The following DLG2 variants were observed in gnomAD, a reference collection of about 807,000 sequenced individuals.
DLG2 encodes the protein discs large MAGUK scaffold protein 2.
In DLG2, 45 loss-of-function variants were observed where a neutral mutation model predicts 132.5. That is an observed-to-expected ratio of 0.34 (90% CI 0.27 to 0.44). DLG2 has a LOEUF of 0.44. DLG2 is among the 20% of genes least tolerant of loss of function. The pLI, the probability that DLG2 is intolerant of heterozygous loss-of-function variation, is 1.00. For synonymous variants in DLG2, 424 were observed against 419.6 expected (o/e 1.01, Z -0.13); for missense variants, 1,045 against 1,196.9 (o/e 0.87, Z 1.87).
At chr11:83,463,770 T>C (rs759694403) in intron 26 of DLG2, among the ~76,000 whole-genome samples, 117 of 152,224 alleles carry the variant, frequency 7.7e-4, no homozygotes, top group Non-Finnish European at 1.3e-3. Context: ...CAGCTTGGGC[T>C]GGACAGAGCA....
At chr11:84,239,434 G>A (rs1325280007) in intron 8 of DLG2, among the ~76,000 whole-genome samples, 3 of 152,034 alleles carry the variant, frequency 2.0e-5, no homozygotes, top group Non-Finnish European at 4.4e-5. Flanking sequence ...CTCCCACCTC[G>A]GCCTCCCAAA....
chr11:85,150,698 TA>T (rs2077187245), intron 5 of DLG2, among the ~76,000 whole-genome samples: 1 of 126,912 alleles, frequency 7.9e-6, no homozygotes, highest in Admixed American at 8.6e-5. Flanking sequence ...TAAGGCTACA[TA>T]GTGTGTGTGT....
At chr11:84,275,291 A>C (rs1375171762) in intron 7 of DLG2, among the ~76,000 whole-genome samples, 1 of 152,192 alleles carries the variant, frequency 6.6e-6, no homozygotes, top group East Asian at 1.9e-4. Context: ...CTGCCCTTTG[A>C]ATCTTGCATT....
At chr11:85,239,717 T>C (rs2075782391) in intron 4 of DLG2, among the ~76,000 whole-genome samples, 1 of 151,990 alleles carries the variant, frequency 6.6e-6, no homozygotes, top group Non-Finnish European at 1.5e-5. Context: ...GATTGATGCA[T>C]ATTTTTGTTT....
At chr11:83,527,586 G>T (rs567371465) in intron 21 of DLG2, among the ~76,000 whole-genome samples, 1 of 152,070 alleles carries the variant, frequency 6.6e-6, no homozygotes, top group African/African-American at 2.4e-5. Flanking sequence ...TAAACTGTCT[G>T]GGTTTTTATA....
At chr11:84,474,483 T>A (rs1182877860) in intron 7 of DLG2, among the ~76,000 whole-genome samples, 2 of 152,046 alleles carry the variant, frequency 1.3e-5, no homozygotes, top group Admixed American at 6.6e-5. Flanking sequence ...CCCAGGGCTG[T>A]TTTCTGGCAC....
chr11:85,567,844 AT>A (rs1257136638), intron 3 of DLG2, among the ~76,000 whole-genome samples: 1 of 152,032 alleles, frequency 6.6e-6, no homozygotes, highest in African/African-American at 2.4e-5. Flanking sequence ...AATGTGTTAG[AT>A]TTTGTCAAAT....
intron 8 of DLG2, among the ~76,000 whole-genome samples, chr11:84,205,736 G>A (rs2096657333): frequency 6.6e-6 from 1 of 151,856 alleles, no homozygotes; most frequent in South Asian, 2.1e-4. Context: ...TGCTTGTAAT[G>A]GAAATCAAAA....
At chr11:83,929,897 AATG>A (rs1349363577) in intron 15 of DLG2, among the ~76,000 whole-genome samples, 3 of 152,322 alleles carry the variant, frequency 2.0e-5, no homozygotes, top group African/African-American at 7.2e-5. Flanking sequence ...TAAAATATTA[AATG>A]ATAATAGTGC....
chr11:85,207,548 T>C (rs2152563263), intron 4 of DLG2, among the ~76,000 whole-genome samples: 1 of 152,330 alleles, frequency 6.6e-6, no homozygotes, highest in Non-Finnish European at 1.5e-5. Flanking sequence ...TTCAAGTCCT[T>C]TTTTAATGCA....
At chr11:83,721,021 A>T (rs933899613) in intron 18 of DLG2, 3 of 152,090 alleles carry the variant, frequency 2.0e-5, no homozygotes, top group Non-Finnish European at 4.4e-5. Flanking sequence ...GAAAATTTTG[A>T]TGAGAAAGAA....
chr11:85,131,641 T>C (rs771316473), intron 5 of DLG2, among the ~76,000 whole-genome samples: 6 of 152,174 alleles, frequency 3.9e-5, no homozygotes, highest in Non-Finnish European at 7.4e-5. Context: ...AGTTTTAGGC[T>C]TTAAATCCAC....
intron 14 of DLG2, among the ~76,000 whole-genome samples, chr11:83,958,481 A>G (rs2087530700): frequency 6.6e-6 from 1 of 152,170 alleles, no homozygotes; most frequent in Non-Finnish European, 1.5e-5. Flanking sequence ...CTTGGTTTCT[A>G]ACACTGAGAA....
chr11:85,091,408 G>A (rs2068753685), intron 6 of DLG2, among the ~76,000 whole-genome samples: 1 of 152,086 alleles, frequency 6.6e-6, no homozygotes, highest in South Asian at 2.1e-4. Context: ...TGATCAGGAT[G>A]GTAGATGATG....
At chr11:84,028,610 CT>C (rs1566105426) in intron 11 of DLG2, among the ~76,000 whole-genome samples, 1 of 152,054 alleles carries the variant, frequency 6.6e-6, no homozygotes, top group Non-Finnish European at 1.5e-5. Context: ...TGAATTCTCT[CT>C]TGAAGCCATA....
intron 6 of DLG2, among the ~76,000 whole-genome samples, chr11:85,019,683 T>A (rs1049243162): frequency 1.3e-5 from 2 of 152,108 alleles, no homozygotes; most frequent in Admixed American, 6.5e-5. Context: ...GTGTTGTCAT[T>A]GTTCAATTCC....
chr11:84,091,131 A>C (rs966315299), intron 10 of DLG2, among the ~76,000 whole-genome samples: 1 of 152,200 alleles, frequency 6.6e-6, no homozygotes, highest in African/African-American at 2.4e-5. Flanking sequence ...TCTTTATTTT[A>C]TATTTATTAC....
intron 5 of DLG2, among the ~76,000 whole-genome samples, chr11:85,137,197 G>T (rs1013245204): frequency 3.3e-5 from 5 of 152,040 alleles, no homozygotes; most frequent in Non-Finnish European, 7.4e-5. Flanking sequence ...GAAACTAGGT[G>T]CTTGCTATTG....
intron 7 of DLG2, among the ~76,000 whole-genome samples, chr11:84,531,960 A>T (rs189134401): frequency 1.3e-5 from 2 of 152,034 alleles, no homozygotes; most frequent in East Asian, 3.9e-4. Context: ...TTTCCCCTCA[A>T]CTCTGATATA....
Sources: gnomAD v4.1 joint callset for allele counts (sites outside exome capture counted in the v4.1 genomes callset) on GRCh38, gnomAD v4.1.1 for gene constraint, MANE v1.5 for transcripts, NCBI Gene and HGNC (gene_info 2026-07-23, HGNC 2026-07-21) for gene names.